RAB38: variants seen among roughly 807,000 people sequenced by gnomAD.
RAB38 encodes RAB38, member RAS oncogene family, also known as ras-related protein Rab-38.
RAB38 carries 15 observed loss-of-function variants against 18.4 expected under a neutral mutation model. That is an observed-to-expected ratio of 0.82 (90% CI 0.55 to 1.26). The LOEUF is 1.26. Among genes scored for constraint, RAB38 ranks in the 50% most tolerant of loss-of-function variants. The pLI is 0.00. For missense variants in RAB38, 294 were observed against 267.4 expected, an observed-to-expected ratio of 1.10 and a Z score of -0.69; for synonymous variants, 101 against 104.4, an observed-to-expected ratio of 0.97 and a Z score of 0.20.
chr11:88,021,839 G>A, the RAB38 span, among the ~76,000 whole-genome samples: 1 of 106,722 alleles, frequency 9.4e-6, no homozygotes, highest in Non-Finnish European at 1.8e-5. Flanking sequence ...GGGTGACAGA[G>A]CAAAACTCCA....
At chr11:87,857,753 T>A in the RAB38 span, among the ~76,000 whole-genome samples, 1 of 152,188 alleles carries the variant, frequency 6.6e-6, no homozygotes, top group South Asian at 2.1e-4. Context: ...CTTTGTAGAT[T>A]CTGGATATTA....
At chr11:88,168,139 T>C (rs538966010) in intron 1 of RAB38, among the ~76,000 whole-genome samples, 1 of 152,308 alleles carries the variant, frequency 6.6e-6, no homozygotes, top group Admixed American at 6.5e-5. Context: ...GTACCAGGTG[T>C]CATGTTCTAC....
At position 88,113,750 on chromosome 11, in the gene RAB38, A is replaced by G. The variant is rs958695119; in HGVS notation, c.*238T>C. On this transcript the variant is annotated 3_prime_UTR_variant, in exon 3 of 3. Coordinates refer to ENST00000243662, the MANE Select transcript of RAB38 (RefSeq NM_022337.3). ...GCCCTGCAGGATTTTGGTCAGCTAC[A>G]TGACAGAAGTTTGTAACAGACTAAA... is the stretch of plus-strand genomic sequence containing the variant. The G allele has an allele frequency of 6.4e-5, 31 of 485,080 alleles. No homozygotes were observed. Among genetic ancestry groups the G allele is most frequent in the East Asian group, 1.7e-4 (5 of 29,114 alleles). The allele number at this position is 485,080 out of a possible 1,614,324, so 30.0% of individuals were successfully genotyped here. A position where few individuals can be genotyped will look rare whatever the true frequency, so the allele number is the denominator to read the frequency against.
At chr11:88,080,073 T>C in the RAB38 span, among the ~76,000 whole-genome samples, 2 of 151,678 alleles carry the variant, frequency 1.3e-5, no homozygotes, top group Admixed American at 1.3e-4. Flanking sequence ...AAAATAAAGA[T>C]ATATAGATAG....
the RAB38 span, among the ~76,000 whole-genome samples, chr11:88,084,347 T>C: frequency 6.6e-6 from 1 of 151,616 alleles, no homozygotes; most frequent in Admixed American, 6.6e-5. Flanking sequence ...ATTGATGTCA[T>C]CTGCTTTGAA....
At chr11:87,864,996 C>T in the RAB38 span, among the ~76,000 whole-genome samples, 5 of 151,680 alleles carry the variant, frequency 3.3e-5, no homozygotes, top group East Asian at 1.9e-4. Flanking sequence ...TTGTCATCTA[C>T]GCTTTGCGAT....
the RAB38 span, among the ~76,000 whole-genome samples, chr11:88,106,181 A>G: frequency 9.9e-5 from 8 of 80,502 alleles, no homozygotes; most frequent in African/African-American, 4.1e-4. Context: ...AACAGCTATC[A>G]CAGAGAGAAA....
intron 1 of RAB38, among the ~76,000 whole-genome samples, chr11:88,155,305 A>C (rs1372603878): frequency 6.6e-6 from 1 of 152,194 alleles, no homozygotes. Context: ...TTCCGCCAGT[A>C]AACAAGGATC....
At chr11:87,815,517 T>C in the RAB38 span, 1 of 152,160 alleles carries the variant, frequency 6.6e-6, no homozygotes, top group East Asian at 1.9e-4. Context: ...AGTGATTTTG[T>C]CCGAGATCCG....
At chr11:87,976,379 A>G in the RAB38 span, among the ~76,000 whole-genome samples, 1 of 140,700 alleles carries the variant, frequency 7.1e-6, no homozygotes, top group Non-Finnish European at 1.5e-5. Flanking sequence ...ATACAAATAC[A>G]AATATTTATA....
At chr11:88,003,730 ATATTGTATATAT>A in the RAB38 span, among the ~76,000 whole-genome samples, 4 of 11,926 alleles carry the variant, frequency 3.4e-4, no homozygotes, top group African/African-American at 1.2e-3. Flanking sequence ...AATATATAAT[ATATTGTATATAT>A]TATATATAAT....
the RAB38 span, among the ~76,000 whole-genome samples, chr11:88,080,501 G>A: frequency 1.3e-5 from 2 of 151,642 alleles, no homozygotes; most frequent in South Asian, 2.1e-4. Context: ...GATGCAAGCC[G>A]AATCAAAATT....
At chr11:88,166,048 T>C (rs1476638569) in intron 1 of RAB38, 1 of 151,916 alleles carries the variant, frequency 6.6e-6, no homozygotes, top group East Asian at 1.9e-4. Flanking sequence ...AGACATCAGG[T>C]AGGATTTGGA....
the RAB38 span, among the ~76,000 whole-genome samples, chr11:87,915,379 G>A: frequency 4.5e-4 from 69 of 152,194 alleles, no homozygotes; most frequent in African/African-American, 1.6e-3. Flanking sequence ...GCTGGCTAAA[G>A]CCCACCAAAA....
the RAB38 span, among the ~76,000 whole-genome samples, chr11:87,869,839 A>G: frequency 6.6e-6 from 1 of 151,668 alleles, no homozygotes; most frequent in African/African-American, 2.4e-5. Context: ...GTATTATTTT[A>G]TTACCACATT....
chr11:88,051,528 G>A, the RAB38 span, among the ~76,000 whole-genome samples: 1 of 149,954 alleles, frequency 6.7e-6, no homozygotes, highest in Non-Finnish European at 1.5e-5. Flanking sequence ...CTTGCAGCCG[G>A]AACCTAACAA....
At chr11:87,835,718 C>A in the RAB38 span, among the ~76,000 whole-genome samples, 1 of 152,176 alleles carries the variant, frequency 6.6e-6, no homozygotes, top group Non-Finnish European at 1.5e-5. Context: ...AGACCTGGAG[C>A]TGGTCCTTCC....
the RAB38 span, among the ~76,000 whole-genome samples, chr11:87,806,145 A>G: frequency 6.6e-6 from 1 of 152,190 alleles, no homozygotes; most frequent in Non-Finnish European, 1.5e-5. Context: ...AGAGTTATGA[A>G]TATGTTTTTT....
chr11:87,874,415 A>G, the RAB38 span, among the ~76,000 whole-genome samples: 2 of 151,504 alleles, frequency 1.3e-5, no homozygotes, highest in Non-Finnish European at 3.0e-5. Flanking sequence ...CAATTAAAAA[A>G]TGGGCAAAGG....
Sources: allele counts gnomAD v4.1 joint callset (sites outside exome capture counted in the v4.1 genomes callset), GRCh38; gene constraint gnomAD v4.1.1; transcripts MANE v1.5; gene names NCBI Gene and HGNC (gene_info 2026-07-23, HGNC 2026-07-21).